The following TTN variants were observed in gnomAD, a reference collection of about 807,000 sequenced individuals.
The protein encoded by TTN is connectin.
In TTN, 1,525 loss-of-function variants were observed where a neutral mutation model predicts 3,223.0. The observed-to-expected ratio is 0.47, with a 90% confidence interval of 0.45 to 0.49. The LOEUF is 0.49. Among genes scored for constraint, TTN ranks in the 20% least tolerant of loss-of-function variants. The pLI is 0.00. For missense variants in TTN, 40,786 were observed against 43,424.0 expected (o/e 0.94, Z 5.40); for synonymous variants, 14,094 against 15,161.0 (o/e 0.93, Z 5.17).
chr2:178,591,642 A>G lies in TTN; in HGVS notation c.60177T>C (p.Gly20059=), dbSNP rs1161015929. The G allele has an allele frequency of 6.2e-7, 1 of 1,613,418 alleles. No individual in the cohort carries two copies. Among genetic ancestry groups the G allele is most frequent in the East Asian group, 2.2e-5 (1 of 44,802 alleles). The part of the protein sequence containing the change: ...RVKAENIVGL[G]LPDTTIPIEC... ...CTATCGGGATAGTTGTGTCAGGGAG[A>G]CCAAGACCCACAATGTTTTCAGCTT... Residue 20059 remains glycine (G), a synonymous_variant, in exon 303 of 363, where the codon GGT becomes GGC. Coordinates refer to ENST00000589042, the MANE Select transcript of TTN (RefSeq NM_001267550.2).
Position 178,546,257 on chromosome 2 carries a change from T to A in TTN, c.95074A>T (p.Asn31692Tyr). Residue 31692 changes from asparagine to tyrosine, a missense_variant, in exon 342 of 363, where the codon AAT becomes TAT. By Grantham distance (143) the Asn-to-Tyr change is moderately radical (BLOSUM62 -2). Transcript: ENST00000589042. ...DSGKYTLTVKNASGTKAVSVM... is the reference protein window; with the variant it reads ...DSGKYTLTVKYASGTKAVSVM... ...GACACGGCCTTGGTCCCGCTGGCATTTTTCACTGTTAAAGTGTATTTTCCA... is the reference window on the plus strand; with the variant it reads ...GACACGGCCTTGGTCCCGCTGGCATATTTCACTGTTAAAGTGTATTTTCCA... 1 of 1,613,420 alleles carries A rather than the reference T, an allele frequency of 6.2e-7. No homozygotes were observed. The highest frequency in any genetic ancestry group is 8.5e-7 in the Non-Finnish European group (1 of 1,179,398).
chr2:178,756,883 G>A (rs1056702108), intron 45 of TTN, 86 bp from the exon 46 acceptor site: 39 of 1,223,080 alleles, frequency 3.2e-5, no homozygotes, highest in Admixed American at 2.0e-4. Flanking sequence ...AAAATGGCAT[G>A]GAAGATGAAG....
At chr2:178,595,869 A>G (rs891880865) in intron 294 of TTN, 60 bp from the exon 295 acceptor site, 27 of 1,480,582 alleles carry the variant, frequency 1.8e-5, no homozygotes, top group Non-Finnish European at 2.3e-5. Context: ...AATGCTCAAC[A>G]CTTGTTTTTT....
At chr2:178,744,629 T>C in intron 47 of TTN, 1 of 945,960 alleles carries the variant, frequency 1.1e-6, no homozygotes, top group South Asian at 4.9e-5. Flanking sequence ...TGTTATCTTG[T>C]TATTTATATA....
Position 178,731,460 on chromosome 2 carries a change from T to G in TTN, c.17306A>C (p.Glu5769Ala), listed in dbSNP as rs756902467. Residue 5769 changes from glutamate (E) to alanine (A), a missense_variant, in exon 59 of 363, where the codon GAA (glutamate) becomes GCA (alanine). Glu to Ala is a moderately radical substitution (Grantham distance 107). Coordinates refer to ENST00000589042, the MANE Select transcript of TTN (RefSeq NM_001267550.2). ...ITVTWLKDSD[E>A]ITEDDNIRMT... is the part of the protein sequence containing the mutation. The stretch of plus-strand genomic sequence containing the variant: ...TCTTATATTATCGTCTTCAGTGATT[T>G]CATCGCTGTCTTTTAGCCAAGTCAC... 6.2e-7 allele frequency: 1 copy of G among 1,613,802 alleles called. No individual in the cohort carries two copies. The highest frequency in any genetic ancestry group is 1.1e-5 in the South Asian group (1 of 91,082).
chr2:178,789,445 G>A lies in TTN; in HGVS notation c.1991C>T (p.Ala664Val). The A allele has an allele frequency of 6.2e-7, 1 of 1,613,444 alleles. No homozygotes were observed. The highest frequency in any genetic ancestry group is 2.2e-5 in the East Asian group (1 of 44,808). ...TALSTIAVAT[A>V]KAKEQETILR... is the part of the protein sequence containing the mutation. ...TATTGTTTCTTGTTCTTTGGCTTTA[G>A]CAGTAGCAACTGCTATTGTAGACAA... Residue 664 changes from alanine (A) to valine (V), a missense_variant, in exon 13 of 363, where the codon GCT becomes GTT. Transcript: ENST00000589042.
rs773495187 is a variant in TTN at position 178,617,130 on chromosome 2, G to A, written c.47865C>T (p.Asp15955=). Residue 15955 remains aspartate (D), a synonymous_variant, in exon 255 of 363, where the codon GAC becomes GAT. Transcript: ENST00000589042. ...AAAATATCTATTTACCAAATGCATCGTCAGCGGTGAGAGGACCAAGAATTT... is the reference window on the plus strand; with the variant it reads ...AAAATATCTATTTACCAAATGCATCATCAGCGGTGAGAGGACCAAGAATTT... ...PSEILGPLTA[D]DAFVEPTMDL... The A allele has an allele frequency of 1.7e-5, 28 of 1,609,756 alleles. No homozygotes were observed. The highest frequency in any genetic ancestry group is 9.0e-5 in the East Asian group (4 of 44,430).
At position 178,775,682 on chromosome 2, in the gene TTN, A is replaced by G; in HGVS notation, c.6182T>C (p.Ile2061Thr). Reference protein sequence around the residue: ...KALAEEGKITIPTFKPDKIEL... With the variant: ...KALAEEGKITTPTFKPDKIEL... ...AATCTTGTCAGGTTTAAAAGTTGGAATCGTGATTTTGCCTTCTTCGGCAAG... is the reference window on the plus strand; with the variant it reads ...AATCTTGTCAGGTTTAAAAGTTGGAGTCGTGATTTTGCCTTCTTCGGCAAG... The change falls in exon 28 of 363, where the codon ATT (isoleucine) becomes ACT (threonine). Residue 2061 changes from isoleucine (I) to threonine (T), a missense_variant. Physicochemically the swap from Ile to Thr is moderately conservative, Grantham distance 89. Transcript: ENST00000589042. The G allele has an allele frequency of 6.2e-7, 1 of 1,614,106 alleles. No homozygotes were observed. Among genetic ancestry groups the G allele is most frequent in the Non-Finnish European group, 8.5e-7 (1 of 1,180,000 alleles).
In TTN at chr2:178,714,001, C is replaced by T; in HGVS notation, c.26657G>A (p.Gly8886Asp). Residue 8886 changes from glycine (G) to aspartate (D), a missense_variant, in exon 92 of 363, where the codon GGC becomes GAC. Transcript: ENST00000589042. The stretch of plus-strand genomic sequence containing the variant: ...CGGTGCTACATTGATGATCTTAAGG[C>T]CGGATACTTTGTTGAAGAAGCTTAT... ...YKISFFNKVS[G>D]LKIINVAPSD... is the part of the protein sequence containing the mutation. 2 of 1,613,576 alleles carry T rather than the reference C, an allele frequency of 1.2e-6. No individual in the cohort carries two copies. The highest frequency in any genetic ancestry group is 1.7e-6 in the Non-Finnish European group (2 of 1,179,698).
rs2067963582 is a variant in TTN, at chr2:178,675,841, A to G, written c.34453+80T>C. 21 of 1,541,026 alleles carry G rather than the reference A, an allele frequency of 1.4e-5. No individual in the cohort carries two copies. The South Asian group carries it at 2.4e-4, about 17-fold the overall frequency. On this transcript the variant is annotated intron_variant, in intron 148 of 362. Coordinates refer to ENST00000589042, the MANE Select transcript of TTN (RefSeq NM_001267550.2). ...AGCAGTAATATAAGTTGTATTAACA[A>G]ATACGGAAACAGGACATTTTGACTT...
chr2:178,587,214 C>T lies in TTN; in HGVS notation c.63997G>A (p.Gly21333Arg), dbSNP rs2049211190. ...TSFHVTNLVP[G>R]NEYYFRVTAV... ...GTTACTCTGAAGTAATACTCATTCC[C>T]AGGGACAAGATTGGTTACATGGAAG... The change falls in exon 307 of 363, where the codon GGG becomes AGG. Residue 21333 changes from glycine to arginine, a missense_variant. Coordinates refer to ENST00000589042, the MANE Select transcript of TTN (RefSeq NM_001267550.2). 2 of 1,613,252 alleles carry T rather than the reference C, an allele frequency of 1.2e-6. No individual in the cohort carries two copies. The highest frequency in any genetic ancestry group is 1.7e-6 in the Non-Finnish European group (2 of 1,179,470).
rs762293433 is a variant in TTN, at chr2:178,724,157, G to A, written c.21116-14C>T. On this transcript the variant is annotated splice_polypyrimidine_tract_variant and intron_variant, in intron 72 of 362. Coordinates refer to ENST00000589042, the MANE Select transcript of TTN (RefSeq NM_001267550.2). The stretch of plus-strand genomic sequence containing the variant: ...GAACTGCTCGGTCTGTGTGAGGAAA[G>A]GTAAGAGACTCATCATGATTTGAAA... The A allele has an allele frequency of 6.3e-7, 1 of 1,597,358 alleles. No individual in the cohort carries two copies. The highest frequency in any genetic ancestry group is 1.1e-5 in the South Asian group (1 of 88,650).
Position 178,664,730 on chromosome 2 carries a change from T to G in TTN, c.36126A>C (p.Glu12042Asp), listed in dbSNP as rs113231696. Residue 12042 changes from glutamate to aspartate, a missense_variant, in exon 167 of 363, where the codon GAA becomes GAC. Physicochemically the swap from Glu to Asp is conservative, Grantham distance 45. Transcript: ENST00000589042. ...KREPPSVKVPEALQEIVPEKK... is the reference protein window; with the variant it reads ...KREPPSVKVPDALQEIVPEKK... ...TTTCAGGGACAATTTCTTGGAGAGC[T>G]TCAGGCACTTTAAGAAATTAGTAGT... 1,650 of 1,612,392 alleles carry G rather than the reference T, an allele frequency of 1.0e-3. 22 individuals are homozygous for G. In the African/African-American group the frequency reaches 0.019, roughly 19 times the overall value.
At chr2:178,758,513 T>G (rs1574407901) in intron 44 of TTN, among the ~76,000 whole-genome samples, 1 of 152,166 alleles carries the variant, frequency 6.6e-6, no homozygotes, top group East Asian at 1.9e-4. Context: ...TAAGACATTC[T>G]TGAGAGGAGG....
chr2:178,666,728 G>T (rs1577146185), intron 163 of TTN, 96 bp downstream of exon 163: 3 of 1,033,828 alleles, frequency 2.9e-6, no homozygotes, highest in Non-Finnish European at 4.1e-6. Context: ...GATTTCCACT[G>T]TAGCCACTTT....
At chr2:178,684,536 A>C in intron 131 of TTN, 123 bp from the exon 132 acceptor site, 1 of 1,344,324 alleles carries the variant, frequency 7.4e-7, no homozygotes, top group Non-Finnish European at 1.0e-6. Flanking sequence ...AAACATCACA[A>C]GTAATACTCT....
rs553570568 is a variant in TTN, at chr2:178,710,703, C to T, written c.28394G>A (p.Gly9465Glu). 24 of 1,613,556 alleles carry T rather than the reference C, an allele frequency of 1.5e-5. No individual in the cohort carries two copies. The highest frequency in any genetic ancestry group is 1.9e-5 in the Non-Finnish European group (23 of 1,179,808). ...ATTCACAGCATAGCAGGTATATTGTCCAGAATCTCCTTTGTCTACTTTGAG... is the reference window on the plus strand; with the variant it reads ...ATTCACAGCATAGCAGGTATATTGTTCAGAATCTCCTTTGTCTACTTTGAG... Reference protein sequence around the residue: ...TVLKVDKGDSGQYTCYAVNEV... With the variant: ...TVLKVDKGDSEQYTCYAVNEV... Residue 9465 changes from glycine (G) to glutamate (E), a missense_variant, in exon 98 of 363, where the codon GGA (glycine) becomes GAA (glutamate). Coordinates refer to ENST00000589042, the MANE Select transcript of TTN (RefSeq NM_001267550.2).
In TTN at chr2:178,568,773, C is replaced by G. The variant is rs988340792; in HGVS notation, c.77359G>C (p.Val25787Leu). The change falls in exon 326 of 363, where the codon GTT (valine) becomes CTT (leucine). Residue 25787 changes from valine (V) to leucine (L), a missense_variant. Coordinates refer to ENST00000589042, the MANE Select transcript of TTN (RefSeq NM_001267550.2). ...ACCAGATCTTTGGCAACTATTGGAA[C>G]TGCAAGGGACCGAGGATCACTTCTC... Reference protein sequence around the residue: ...KGRSDPRSLAVPIVAKDLVIE... With the variant: ...KGRSDPRSLALPIVAKDLVIE... 5.6e-6 allele frequency: 9 copies of G among 1,612,762 alleles called. No individual in the cohort carries two copies. Among genetic ancestry groups the G allele is most frequent in the Non-Finnish European group, 7.6e-6 (9 of 1,179,312 alleles).
intron 44 of TTN, 81 bp downstream of exon 44, chr2:178,758,903 T>G (rs1465574890): frequency 1.0e-5 from 14 of 1,362,686 alleles, no homozygotes; most frequent in South Asian, 7.1e-5. Flanking sequence ...ATGATTTACA[T>G]GAACTCTTGA....
Sources: gnomAD v4.1 joint callset for allele counts (sites outside exome capture counted in the v4.1 genomes callset) on GRCh38, gnomAD v4.1.1 for gene constraint, MANE v1.5 for transcripts, NCBI Gene and HGNC (gene_info 2026-07-23, HGNC 2026-07-21) for gene names.